Variants in BCL2L14 observed in about 807,000 individuals in gnomAD.
BCL2L14 encodes the protein BCL2 like 14, also known as apoptosis facilitator Bcl-2-like protein 14.
BCL2L14 carries 27 observed loss-of-function variants against 35.3 expected under a neutral mutation model. The ratio of observed to expected loss-of-function variants is 0.76; its 90% CI spans 0.56 to 1.05. BCL2L14 has a LOEUF of 1.05. BCL2L14 is among the 50% of genes least tolerant of loss of function. The pLI is 0.00. For synonymous variants in BCL2L14, 139 were observed against 145.9 expected (o/e 0.95, Z 0.34); for missense variants, 377 against 382.6 (o/e 0.99, Z 0.12).
chr12:12,074,907 T>C (rs1948746585), intron 1 of BCL2L14, among the ~76,000 whole-genome samples: 1 of 152,114 alleles, frequency 6.6e-6, no homozygotes. Flanking sequence ...CCTCCTAAGG[T>C]GGTGGGATTA....
intron 3 of BCL2L14, among the ~76,000 whole-genome samples, chr12:12,089,041 C>A (rs1262730100): frequency 6.6e-6 from 1 of 152,214 alleles, no homozygotes; most frequent in Admixed American, 6.5e-5. Flanking sequence ...AGTGTTAACC[C>A]AATATATCGA....
chr12:12,079,757 T>C lies in BCL2L14; in HGVS notation c.433+19T>C. The C allele has an allele frequency of 1.2e-6, 2 of 1,602,994 alleles. No individual in the cohort carries two copies. The highest frequency in any genetic ancestry group is 1.7e-6 in the Non-Finnish European group (2 of 1,174,376). Reference sequence around the variant, plus strand: ...CATGAAGGTAGGCATCTGGGATTTCTTTCTCTCCCGCTTCCTGGTTTTTCC... The same window carrying C: ...CATGAAGGTAGGCATCTGGGATTTCCTTCTCTCCCGCTTCCTGGTTTTTCC... On this transcript the variant is annotated intron_variant, in intron 2 of 5. Transcript: ENST00000308721.
intron 2 of BCL2L14, chr12:12,055,381 G>A (rs1052008517): frequency 2.0e-5 from 3 of 152,188 alleles, no homozygotes; most frequent in Non-Finnish European, 2.9e-5. Flanking sequence ...GGATTCGTTT[G>A]TGCTGATCTA....
intron 1 of BCL2L14, among the ~76,000 whole-genome samples, chr12:12,076,924 C>T (rs368448353): frequency 3.3e-5 from 5 of 152,090 alleles, no homozygotes; most frequent in African/African-American, 7.2e-5. Flanking sequence ...ACTTGGACAC[C>T]GAGGAACAAA....
At chr12:12,062,553 C>T (rs1360659183) in intron 2 of BCL2L14, among the ~76,000 whole-genome samples, 2 of 151,492 alleles carry the variant, frequency 1.3e-5, no homozygotes, top group African/African-American at 2.4e-5. Context: ...TTCAGGTCCC[C>T]TCCCTTCCCT....
At chr12:12,051,118 C>T (rs1340800237) in intron 1 of BCL2L14, among the ~76,000 whole-genome samples, 1 of 152,112 alleles carries the variant, frequency 6.6e-6, no homozygotes, top group African/African-American at 2.4e-5. Flanking sequence ...CTTGTAGGGG[C>T]ACCAGACAGC....
intron 1 of BCL2L14, chr12:12,078,156 C>T (rs527617052): frequency 6.0e-6 from 1 of 168,040 alleles, no homozygotes; most frequent in Admixed American, 6.0e-5. Flanking sequence ...TCCATTGCCT[C>T]CATCAGTGTG....
intron 2 of BCL2L14, among the ~76,000 whole-genome samples, chr12:12,084,943 G>A (rs1010273126): frequency 3.3e-5 from 5 of 151,724 alleles, no homozygotes; most frequent in Non-Finnish European, 4.4e-5. Context: ...ACGTAGTGGC[G>A]GGAGCCACTA....
At chr12:12,079,783 C>T in intron 2 of BCL2L14, 45 bp downstream of exon 2, 1 of 1,575,470 alleles carries the variant, frequency 6.3e-7, no homozygotes. Flanking sequence ...TGGTTTTTCC[C>T]TTCTTTGTGT....
intron 2 of BCL2L14, among the ~76,000 whole-genome samples, chr12:12,083,122 G>A (rs528901843): frequency 6.4e-4 from 98 of 152,110 alleles, no homozygotes; most frequent in African/African-American, 2.0e-3. Flanking sequence ...CCACCACCAC[G>A]CCCGGCTAAT....
Position 12,079,748 on chromosome 12 carries a change from T to C in BCL2L14, c.433+10T>C. On this transcript the variant is annotated intron_variant, in intron 2 of 5. Coordinates refer to ENST00000308721, the MANE Select transcript of BCL2L14 (RefSeq NM_138723.2). ...TGCTTGGAGCATGAAGGTAGGCATCTGGGATTTCTTTCTCTCCCGCTTCCT... is the reference window on the plus strand; with the variant it reads ...TGCTTGGAGCATGAAGGTAGGCATCCGGGATTTCTTTCTCTCCCGCTTCCT... 4 of 1,605,848 alleles carry C rather than the reference T, an allele frequency of 2.5e-6. No homozygotes were observed. The highest frequency in any genetic ancestry group is 3.4e-6 in the Non-Finnish European group (4 of 1,175,666).
chr12:12,075,616 G>A (rs1375122933), intron 1 of BCL2L14, among the ~76,000 whole-genome samples: 1 of 151,168 alleles, frequency 6.6e-6, no homozygotes, highest in South Asian at 2.1e-4. Context: ...GTAGAGACGG[G>A]GTTTCTCCAT....
At chr12:12,097,001 G>A (rs938350287) in intron 5 of BCL2L14, among the ~76,000 whole-genome samples, 15 of 152,192 alleles carry the variant, frequency 9.9e-5, no homozygotes, top group South Asian at 6.2e-4. Context: ...AAAATTAGCC[G>A]GGCATGGTGG....
chr12:12,086,002 T>C (rs1289001425), intron 2 of BCL2L14, among the ~76,000 whole-genome samples: 1 of 152,198 alleles, frequency 6.6e-6, no homozygotes, highest in Non-Finnish European at 1.5e-5. Flanking sequence ...AGACAGCTTG[T>C]ACAAGCTTTT....
chr12:12,055,085 C>T lies in BCL2L14; in HGVS notation c.-272+3238C>T, dbSNP rs556557874. 3.9e-5 allele frequency: 6 copies of T among 152,094 alleles called. No homozygotes were observed. In the East Asian group the frequency reaches 1.2e-3, roughly 29 times the overall value. 9.4% of individuals were successfully genotyped at this position (152,094 alleles called of 1,614,324 possible). On this transcript the variant is annotated intron_variant, in intron 2 of 3. Coordinates refer to the BCL2L14 transcript ENST00000461264. ...CAGTTAGAGAATGAGGCATTTTTCA[C>T]AAAATATTGAGGGCTGGAGAGGTTG...
chr12:12,082,177 G>A (rs1948942793), intron 2 of BCL2L14, among the ~76,000 whole-genome samples: 1 of 152,244 alleles, frequency 6.6e-6, no homozygotes, highest in South Asian at 2.1e-4. Context: ...CATCCAGGAA[G>A]TAGCAGAGCC....
At chr12:12,082,263 G>C (rs1360279005) in intron 2 of BCL2L14, among the ~76,000 whole-genome samples, 2 of 152,198 alleles carry the variant, frequency 1.3e-5, no homozygotes, top group Non-Finnish European at 2.9e-5. Flanking sequence ...TCTGAACTCT[G>C]CCCAGCTAGG....
intron 2 of BCL2L14, among the ~76,000 whole-genome samples, chr12:12,058,514 C>G (rs1286905965): frequency 6.6e-6 from 1 of 152,128 alleles, no homozygotes; most frequent in East Asian, 1.9e-4. Context: ...CTGTTCCTGC[C>G]TTAACTGATG....
chr12:12,050,432 CAAAAA>C (rs774928633), intron 1 of BCL2L14, among the ~76,000 whole-genome samples: 3,662 of 70,056 alleles, frequency 0.052, 169 homozygotes, highest in African/African-American at 0.15. Context: ...GACACCATCT[CAAAAA>C]AAAAAAAAAA....
Sources: gnomAD v4.1 joint callset for allele counts (sites outside exome capture counted in the v4.1 genomes callset) on GRCh38, gnomAD v4.1.1 for gene constraint, MANE v1.5 for transcripts, NCBI Gene and HGNC (gene_info 2026-07-23, HGNC 2026-07-21) for gene names.